The following MKS1 variants were observed in gnomAD, a reference collection of about 807,000 sequenced individuals.
The protein encoded by MKS1 is tectonic-like complex member MKS1.
MKS1 carries 70 observed loss-of-function variants against 83.7 expected under a neutral mutation model. The observed-to-expected ratio is 0.84, with a 90% CI of 0.69 to 1.02. MKS1 has a LOEUF of 1.02. Among genes scored for constraint, MKS1 ranks in the 50% least tolerant of loss-of-function variants. MKS1 has a pLI of 0.00. For synonymous variants in MKS1, 251 were observed against 273.4 expected (o/e 0.92, Z 0.81); for missense variants, 681 against 726.9 (o/e 0.94, Z 0.73).
At chr17:58,214,981 G>T (rs923449068) in intron 4 of MKS1, 143 bp from the exon 5 acceptor site, 1 of 1,344,450 alleles carries the variant, frequency 7.4e-7, no homozygotes, top group African/African-American at 1.5e-5. Flanking sequence ...ACATGCTAAC[G>T]GAGGGAGCAG....
Position 58,213,087 on chromosome 17 carries a change from A to G in MKS1, c.753T>C (p.Ile251=), listed in dbSNP as rs1228771249. 6.2e-7 allele frequency: 1 copy of G among 1,613,954 alleles called. No homozygotes were observed. The highest frequency in any genetic ancestry group is 1.3e-5 in the African/African-American group (1 of 74,904). ...GCTCCTGCTTCTCCCCCTCCGTCTC[A>G]ATCCTGTAAGGTCAAAACCACAGAA... ...DFTGLKGPYR[I]ETEGEKQELW... is the part of the protein sequence containing the mutation. Residue 251 remains isoleucine, a synonymous_variant, in exon 8 of 18, where the codon ATT becomes ATC. Coordinates refer to ENST00000393119, the MANE Select transcript of MKS1 (RefSeq NM_017777.4).
At chr17:58,212,515 C>T in intron 8 of MKS1, 81 bp from the exon 9 acceptor site, 2 of 1,477,986 alleles carry the variant, frequency 1.4e-6, no homozygotes, top group Non-Finnish European at 1.9e-6. Context: ...AGAAGAAAAG[C>T]AATAGTGGGA....
At position 58,208,717 on chromosome 17, in the gene MKS1, G is replaced by C. The variant is rs1010240683; in HGVS notation, c.1025-134C>G. On this transcript the variant is annotated intron_variant, in intron 11 of 17. Transcript: ENST00000393119. ...ATTCTTGGGTGTTTCTCGGAGAGGG[G>C]GATGTGGCAGGGTCATAGGATAATA... The C allele has an allele frequency of 2.9e-4, 232 of 802,916 alleles. No homozygotes were observed. In the Admixed American group the frequency reaches 4.1e-3, roughly 14 times the overall value. 49.7% of individuals were successfully genotyped at this position (802,916 alleles called of 1,614,324 possible).
At chr17:58,214,650 A>G (rs764132922) in intron 5 of MKS1, 91 bp downstream of exon 5, 52 of 1,331,806 alleles carry the variant, frequency 3.9e-5, no homozygotes, top group Non-Finnish European at 5.3e-5. Flanking sequence ...ATACTTGAAT[A>G]CTATATATAA....
Position 58,208,542 on chromosome 17 carries a change from G to C in MKS1, c.1066C>G (p.Gln356Glu). ...PAFQQLSGVT[Q>E]TCTTKSLAMD... ...GCCAGGGACTTGGTGGTGCAGGTCT[G>C]TGTTACTCCTGAGAGCTGCTGGAAT... is the stretch of plus-strand genomic sequence containing the variant. Residue 356 changes from glutamine to glutamate, a missense_variant, in exon 12 of 18, where the codon CAG (glutamine) becomes GAG (glutamate). By Grantham distance (29) the Gln-to-Glu change is conservative (BLOSUM62 2). Around this residue, in one of 3 missense-constraint regions of MKS1, gnomAD observed 310 missense variants for 321.7 expected, o/e 0.96. Transcript: ENST00000393119. The C allele has an allele frequency of 6.2e-7, 1 of 1,614,192 alleles. No individual in the cohort carries two copies. The highest frequency in any genetic ancestry group is 1.1e-5 in the South Asian group (1 of 91,086).
At chr17:58,212,240 T>C in intron 9 of MKS1, 138 bp downstream of exon 9, 1 of 999,280 alleles carries the variant, frequency 1.0e-6, no homozygotes, top group Non-Finnish European at 1.6e-6. Context: ...ACAAGGACTA[T>C]ATGTGCTATT....
At position 58,209,323 on chromosome 17, in the gene MKS1, TAG is replaced by T. The variant is rs1968734889; in HGVS notation, c.1025-742_1025-741del. On this transcript the variant is annotated intron_variant, in intron 11 of 17. Coordinates refer to ENST00000393119, the MANE Select transcript of MKS1 (RefSeq NM_017777.4). The surrounding 1 kb of genome is among the most constrained non-coding windows in gnomAD (Gnocchi z 4.1). ...CATTTACTGAGTGCCTGCTATGTGC[TAG>T]TATATCTTAGGGGTATCTTGGTAAC... Among the ~76,000 whole-genome samples, 1 of 152,238 alleles carries T rather than the reference TAG, an allele frequency of 6.6e-6. No individual in the cohort carries two copies. The highest frequency in any genetic ancestry group is 1.5e-5 in the Non-Finnish European group (1 of 68,046).
In MKS1 at chr17:58,206,850, T is replaced by G. The variant is rs544405661; in HGVS notation, c.1407+235A>C. On this transcript the variant is annotated intron_variant, in intron 15 of 17. Transcript: ENST00000393119. ...TGGGGGAAAGAGCCAGTTATTCTGA[T>G]GGGAACCAGGGGAAATCTCTAATTA... 15 of 646,446 alleles carry G rather than the reference T, an allele frequency of 2.3e-5. No homozygotes were observed. In the African/African-American group the frequency reaches 2.7e-4, roughly 12 times the overall value. The allele number at this position is 646,446 out of a possible 1,614,324, so 40.0% of individuals were successfully genotyped here.
Position 58,213,861 on chromosome 17 carries a change from T to A in MKS1, c.653A>T (p.Tyr218Phe). ...ACACAGGACATGTTCATACTTCTTA[T>A]AGCCAAGCCTAGAAATCAGGAAAAC... ...ADLGPYKKLG[Y>F]KKYEHVLCTL... The change falls in exon 7 of 18, where the codon TAT becomes TTT. Residue 218 changes from tyrosine to phenylalanine, a missense_variant. Tyr to Phe is a conservative substitution (Grantham distance 22). Around this residue, in one of 3 missense-constraint regions of MKS1, gnomAD observed 365 missense variants for 383.8 expected, o/e 0.95. Coordinates refer to ENST00000393119, the MANE Select transcript of MKS1 (RefSeq NM_017777.4). 1 of 1,613,340 alleles carries A rather than the reference T, an allele frequency of 6.2e-7. No homozygotes were observed. The highest frequency in any genetic ancestry group is 8.5e-7 in the Non-Finnish European group (1 of 1,179,300).
At chr17:58,219,107 G>A (rs1969439669) in intron 1 of MKS1, 44 bp downstream of exon 1, 1 of 1,548,342 alleles carries the variant, frequency 6.5e-7, no homozygotes, top group Non-Finnish European at 8.7e-7. Context: ...AATGATCTAA[G>A]GACACAAAAG....
rs750194631 is a variant in MKS1, at chr17:58,205,664, C to A, written c.*415G>T. On this transcript the variant is annotated 3_prime_UTR_variant, in exon 18 of 18. Coordinates refer to ENST00000393119, the MANE Select transcript of MKS1 (RefSeq NM_017777.4). ...GGCTGGGGATTTAAGACCCTCTCAC[C>A]GTCCACCTTCCTTCCTTCTTTGGTC... 1 of 1,309,384 alleles carries A rather than the reference C, an allele frequency of 7.6e-7. No homozygotes were observed. The highest frequency in any genetic ancestry group is 1.0e-6 in the Non-Finnish European group (1 of 992,558). 81.1% of individuals were successfully genotyped at this position (1,309,384 alleles called of 1,614,324 possible).
intron 14 of MKS1, 30 bp from the exon 15 acceptor site, chr17:58,207,248 G>A (rs1002549742): frequency 1.9e-6 from 3 of 1,612,904 alleles, no homozygotes; most frequent in Middle Eastern, 3.8e-4. Flanking sequence ...ACTGGGGCCA[G>A]GTCCAGAAAG....
intron 3 of MKS1, 147 bp from the exon 4 acceptor site, chr17:58,216,390 G>A: frequency 1.0e-6 from 1 of 978,756 alleles, no homozygotes. Flanking sequence ...TGAATGGCAG[G>A]GGAACCAAGA....
intron 9 of MKS1, 140 bp downstream of exon 9, chr17:58,212,238 T>G: frequency 2.0e-6 from 2 of 987,712 alleles, no homozygotes; most frequent in Non-Finnish European, 3.2e-6. Flanking sequence ...TAACAAGGAC[T>G]ATATGTGCTA....
chr17:58,206,549 T>C lies in MKS1; in HGVS notation c.1408-2A>G, dbSNP rs1555596943. ...TCCAAAGCGGCTCAGGCGTTCCCCCTGTGGCATGCCATTGGGACAGCCTCA... is the reference window on the plus strand; with the variant it reads ...TCCAAAGCGGCTCAGGCGTTCCCCCCGTGGCATGCCATTGGGACAGCCTCA... On this transcript the variant is annotated splice_acceptor_variant, in intron 15 of 17. Transcript: ENST00000393119. LOFTEE classifies it high-confidence loss of function. 6.2e-7 allele frequency: 1 copy of C among 1,611,816 alleles called. No individual in the cohort carries two copies. The highest frequency in any genetic ancestry group is 8.5e-7 in the Non-Finnish European group (1 of 1,179,812).
Position 58,212,967 on chromosome 17 carries a change from T to A in MKS1, c.858+15A>T. On this transcript the variant is annotated intron_variant, in intron 8 of 17. Coordinates refer to ENST00000393119, the MANE Select transcript of MKS1 (RefSeq NM_017777.4). Reference sequence around the variant, plus strand: ...AGGCTCATCCCTTGGATACTTGGAATGAACTTGCGCTTACATCCTTGAACA... The same window carrying A: ...AGGCTCATCCCTTGGATACTTGGAAAGAACTTGCGCTTACATCCTTGAACA... The A allele has an allele frequency of 6.2e-7, 1 of 1,611,940 alleles. No individual in the cohort carries two copies. The highest frequency in any genetic ancestry group is 8.5e-7 in the Non-Finnish European group (1 of 1,178,026).
intron 9 of MKS1, 151 bp downstream of exon 9, chr17:58,212,227 A>G (rs1480535784): frequency 3.2e-6 from 3 of 942,566 alleles, no homozygotes; most frequent in African/African-American, 3.2e-5. Context: ...TGCAAAACAC[A>G]TAACAAGGAC....
chr17:58,214,012 A>G, intron 6 of MKS1, 143 bp from the exon 7 acceptor site: 2 of 972,410 alleles, frequency 2.1e-6, no homozygotes, highest in Non-Finnish European at 3.1e-6. Flanking sequence ...CAACTAAGAA[A>G]AAAAAGGAAG....
At position 58,212,453 on chromosome 17, in the gene MKS1, CCAAAACT is replaced by C; in HGVS notation, c.859-26_859-20del. On this transcript the variant is annotated intron_variant, in intron 8 of 17. Coordinates refer to ENST00000393119, the MANE Select transcript of MKS1 (RefSeq NM_017777.4). ...CATAAAGCTGAGGAAACAAACCAAA[CCAAAACT>C]CAAGATGCAACCCAAGCTAGACCAA... The C allele has an allele frequency of 6.2e-7, 1 of 1,614,072 alleles. No individual in the cohort carries two copies. Among genetic ancestry groups the C allele is most frequent in the Non-Finnish European group, 8.5e-7 (1 of 1,179,966 alleles).
Sources: allele counts gnomAD v4.1 joint callset (sites outside exome capture counted in the v4.1 genomes callset), GRCh38; gene constraint gnomAD v4.1.1; regional missense constraint gnomAD v4.1.1; non-coding constraint Gnocchi (gnomAD v3.1); transcripts MANE v1.5; gene names NCBI Gene and HGNC (gene_info 2026-07-23, HGNC 2026-07-21).